SEMA5A: variants seen among roughly 807,000 people sequenced by gnomAD.
SEMA5A encodes the protein semaphorin 5A.
SEMA5A carries 55 observed loss-of-function variants against 135.5 expected under a neutral mutation model. That is an observed-to-expected ratio of 0.41 (90% CI 0.33 to 0.51). The LOEUF (loss-of-function observed/expected upper bound fraction) is 0.51, where lower values mean the gene tolerates loss of function less well. SEMA5A is among the 20% of genes least tolerant of loss of function. The probability of loss-of-function intolerance (pLI) is 0.37; values close to 1 mark genes in which losing one functional copy is unlikely to be tolerated. For missense variants in SEMA5A, 1,290 were observed against 1,419.9 expected, an observed-to-expected ratio of 0.91 and a Z score of 1.47; for synonymous variants, 580 against 546.5, an observed-to-expected ratio of 1.06 and a Z score of -0.85.
At chr5:9,231,020 T>C (rs1579670191) in intron 6 of SEMA5A, among the ~76,000 whole-genome samples, 1 of 152,208 alleles carries the variant, frequency 6.6e-6, no homozygotes, top group Non-Finnish European at 1.5e-5. Context: ...CCAAACAAAT[T>C]CATTTAAAAT....
chr5:9,385,278 G>A (rs1755838955), intron 2 of SEMA5A, among the ~76,000 whole-genome samples: 1 of 152,156 alleles, frequency 6.6e-6, no homozygotes, highest in Non-Finnish European at 1.5e-5. Flanking sequence ...AATAGGCTTT[G>A]GGGACAGAAA....
At chr5:9,500,451 T>C (rs1185772587) in intron 1 of SEMA5A, among the ~76,000 whole-genome samples, 2 of 152,160 alleles carry the variant, frequency 1.3e-5, no homozygotes, top group Non-Finnish European at 2.9e-5. Flanking sequence ...TTTTGACATG[T>C]GCATTTGTAA....
chr5:9,236,542 CA>C (rs1428271281), intron 6 of SEMA5A, among the ~76,000 whole-genome samples: 3 of 152,304 alleles, frequency 2.0e-5, no homozygotes, highest in African/African-American at 7.2e-5. Flanking sequence ...ACAAACTCAA[CA>C]AGAAGGTTAT....
At chr5:9,164,181 A>G (rs1743475805) in intron 11 of SEMA5A, among the ~76,000 whole-genome samples, 1 of 123,406 alleles carries the variant, frequency 8.1e-6, no homozygotes, top group Non-Finnish European at 1.7e-5. Flanking sequence ...ATAATTATAA[A>G]TACATAGTAT....
At chr5:9,295,569 C>A (rs3777306) in intron 5 of SEMA5A, among the ~76,000 whole-genome samples, 20,115 of 152,032 alleles carry the variant, frequency 0.13, 1,403 homozygotes, top group South Asian at 0.19. Flanking sequence ...GGAGGATTTT[C>A]TACTCTTCAG....
intron 1 of SEMA5A, among the ~76,000 whole-genome samples, chr5:9,489,315 T>C (rs1466308300): frequency 1.3e-5 from 2 of 152,252 alleles, no homozygotes; most frequent in South Asian, 4.1e-4. Context: ...GGTGTTAGGC[T>C]TGGGGTATAA....
intron 16 of SEMA5A, among the ~76,000 whole-genome samples, chr5:9,079,150 T>G (rs1219152373): frequency 6.6e-6 from 1 of 152,102 alleles, no homozygotes; most frequent in East Asian, 1.9e-4. Context: ...TTAAAATTTT[T>G]TGCTTTTTAA....
intron 1 of SEMA5A, among the ~76,000 whole-genome samples, chr5:9,497,220 A>G (rs532995984): frequency 6.6e-6 from 1 of 152,358 alleles, no homozygotes; most frequent in South Asian, 2.1e-4. Flanking sequence ...AGCTCCCAAG[A>G]GTAACCAGCC....
At chr5:9,173,677 C>G (rs1471959427) in intron 11 of SEMA5A, among the ~76,000 whole-genome samples, 1 of 152,174 alleles carries the variant, frequency 6.6e-6, no homozygotes, top group Non-Finnish European at 1.5e-5. Flanking sequence ...AAGGTTTCAA[C>G]TTATTTTCAA....
chr5:9,221,448 G>A (rs13177242), intron 8 of SEMA5A, among the ~76,000 whole-genome samples: 10,601 of 146,146 alleles, frequency 0.073, 570 homozygotes, highest in Non-Finnish European at 0.084. Context: ...GACTACAGGC[G>A]CCCACCACCA....
chr5:9,440,240 A>G (rs1326075413), intron 1 of SEMA5A, among the ~76,000 whole-genome samples: 6 of 152,250 alleles, frequency 3.9e-5, no homozygotes, highest in Non-Finnish European at 8.8e-5. Context: ...AAATTAGCCA[A>G]TGCATTAATC....
At chr5:9,279,744 C>CCT (rs372382927) in intron 5 of SEMA5A, among the ~76,000 whole-genome samples, 1 of 151,230 alleles carries the variant, frequency 6.6e-6, no homozygotes, top group African/African-American at 2.4e-5. Context: ...CTTGACTCTC[C>CCT]CTCTCTCTCT....
At chr5:9,208,482 G>T (rs1192758404) in intron 8 of SEMA5A, among the ~76,000 whole-genome samples, 1 of 152,182 alleles carries the variant, frequency 6.6e-6, no homozygotes, top group East Asian at 1.9e-4. Flanking sequence ...ATCAACAAGT[G>T]CTTACAGTGA....
intron 12 of SEMA5A, among the ~76,000 whole-genome samples, chr5:9,148,823 G>A (rs1013482531): frequency 1.3e-5 from 2 of 152,088 alleles, no homozygotes; most frequent in South Asian, 2.1e-4. Context: ...GGGTTCAAGC[G>A]ATTCTCTTGC....
intron 12 of SEMA5A, among the ~76,000 whole-genome samples, chr5:9,144,689 T>C (rs183498686): frequency 8.7e-4 from 133 of 152,298 alleles, no homozygotes; most frequent in Non-Finnish European, 1.2e-3. Context: ...CAGTTGCTCT[T>C]GTGTGGATAG....
At chr5:9,342,715 C>T (rs914011775) in intron 3 of SEMA5A, among the ~76,000 whole-genome samples, 1 of 152,156 alleles carries the variant, frequency 6.6e-6, no homozygotes, top group Non-Finnish European at 1.5e-5. Context: ...CAAGACAGCT[C>T]AAAAATAGCT....
At chr5:9,159,990 G>C (rs1743162247) in intron 11 of SEMA5A, among the ~76,000 whole-genome samples, 1 of 152,044 alleles carries the variant, frequency 6.6e-6, no homozygotes, top group Non-Finnish European at 1.5e-5. Flanking sequence ...CTCTTAAGTG[G>C]GAGTTGAACA....
At chr5:9,157,825 T>A (rs1337240872) in intron 11 of SEMA5A, among the ~76,000 whole-genome samples, 7 of 152,198 alleles carry the variant, frequency 4.6e-5, no homozygotes, top group Non-Finnish European at 1.0e-4. Context: ...GATGGCCCTA[T>A]AGAAGAGACA....
At chr5:9,356,108 C>A (rs1202972552) in intron 3 of SEMA5A, among the ~76,000 whole-genome samples, 1 of 152,168 alleles carries the variant, frequency 6.6e-6, no homozygotes, top group South Asian at 2.1e-4. Flanking sequence ...ATTCTTTCCC[C>A]AGAAGTGAGA....
Sources: gnomAD v4.1 joint callset for allele counts (sites outside exome capture counted in the v4.1 genomes callset) on GRCh38, gnomAD v4.1.1 for gene constraint, MANE v1.5 for transcripts, NCBI Gene and HGNC (gene_info 2026-07-23, HGNC 2026-07-21) for gene names.